The following SORBS2 variants were observed in gnomAD, a reference collection of about 807,000 sequenced individuals.
The protein encoded by SORBS2 is sorbin and SH3 domain-containing protein 2.
Under a neutral mutation model 97.7 loss-of-function variants are expected in SORBS2, and 46 were observed. That is an observed-to-expected ratio of 0.47 (90% CI 0.37 to 0.60). The LOEUF is 0.60. SORBS2 is among the 20% of genes least tolerant of loss of function. The probability of loss-of-function intolerance (pLI) is 0.00; values close to 1 mark genes in which losing one functional copy is unlikely to be tolerated. For synonymous variants in SORBS2, 476 were observed against 473.4 expected (o/e 1.01, Z -0.07); for missense variants, 1,316 against 1,282.3 (o/e 1.03, Z -0.40).
At chr4:185,815,619 C>T (rs115107458) in intron 1 of SORBS2, among the ~76,000 whole-genome samples, 1,840 of 152,214 alleles carry the variant, frequency 0.012, 37 homozygotes, top group African/African-American at 0.043. Flanking sequence ...TACATATACA[C>T]ACACATATAT....
intron 1 of SORBS2, among the ~76,000 whole-genome samples, chr4:185,834,289 C>T (rs889013243): frequency 6.6e-6 from 1 of 152,026 alleles, no homozygotes; most frequent in African/African-American, 2.4e-5. Flanking sequence ...AGCCAATTAC[C>T]TCCCACCAGG....
chr4:185,622,918 G>T (rs542951899), exon 7 of SORBS2: 1 of 1,604,314 alleles, frequency 6.2e-7, no homozygotes, highest in Admixed American at 1.7e-5. Flanking sequence ...ATCCACCTTG[G>T]AGTGCACCGC....
At chr4:185,925,158 T>G (rs1198557161) in intron 1 of SORBS2, among the ~76,000 whole-genome samples, 1 of 152,252 alleles carries the variant, frequency 6.6e-6, no homozygotes, top group Non-Finnish European at 1.5e-5. Context: ...ATTGTTATAT[T>G]ATTACTTAAT....
At chr4:185,596,744 A>G (rs561501996) in intron 12 of SORBS2, among the ~76,000 whole-genome samples, 84 of 152,080 alleles carry the variant, frequency 5.5e-4, no homozygotes, top group African/African-American at 1.9e-3. Flanking sequence ...CATGTTAGCC[A>G]GGATGGTCTC....
intron 1 of SORBS2, among the ~76,000 whole-genome samples, chr4:185,915,180 C>T (rs2099257429): frequency 6.6e-6 from 1 of 152,210 alleles, no homozygotes. Flanking sequence ...CTTTCAGCAG[C>T]ATTTGTGTGT....
chr4:185,707,850 C>T (rs544314345), intron 2 of SORBS2, among the ~76,000 whole-genome samples: 45 of 152,130 alleles, frequency 3.0e-4, no homozygotes, highest in Admixed American at 6.5e-4. Flanking sequence ...ACGAGAAAGA[C>T]GCACCCCATG....
chr4:185,688,491 TTGATAGATAGATAAATAG>T (rs2098019616), intron 2 of SORBS2, among the ~76,000 whole-genome samples: 1 of 141,244 alleles, frequency 7.1e-6, no homozygotes, highest in Non-Finnish European at 1.5e-5. Flanking sequence ...TATCTGTCTA[TTGATAGATAGATAAATAG>T]ATAGATAGAT....
intron 6 of SORBS2, 120 bp from the exon 19 acceptor site, chr4:185,624,614 T>C: frequency 1.4e-5 from 15 of 1,079,680 alleles, no homozygotes; most frequent in Non-Finnish European, 1.9e-5. Flanking sequence ...GCAGTTAGTG[T>C]GTTTTAATCT....
At chr4:185,833,734 A>C (rs955448493) in intron 1 of SORBS2, among the ~76,000 whole-genome samples, 7 of 152,218 alleles carry the variant, frequency 4.6e-5, no homozygotes, top group African/African-American at 1.7e-4. Context: ...TTTAATGTTT[A>C]GTTTTCAATT....
At chr4:185,710,203 C>A (rs2098405975) in intron 2 of SORBS2, among the ~76,000 whole-genome samples, 1 of 151,868 alleles carries the variant, frequency 6.6e-6, no homozygotes, top group African/African-American at 2.4e-5. Context: ...ACTGAAGATC[C>A]CCAGTAATAT....
intron 1 of SORBS2, among the ~76,000 whole-genome samples, chr4:185,817,663 G>A (rs953924492): frequency 5.3e-5 from 8 of 152,248 alleles, no homozygotes; most frequent in East Asian, 3.9e-4. Flanking sequence ...GTAACGAAAC[G>A]CACCAGGCTC....
At chr4:185,672,334 G>A (rs1191823207) in intron 4 of SORBS2, among the ~76,000 whole-genome samples, 2 of 152,230 alleles carry the variant, frequency 1.3e-5, no homozygotes, top group Non-Finnish European at 2.9e-5. Flanking sequence ...GATTGATTAT[G>A]TTATTTCATA....
chr4:185,865,204 T>G (rs2099226150), intron 1 of SORBS2, among the ~76,000 whole-genome samples: 1 of 152,176 alleles, frequency 6.6e-6, no homozygotes, highest in African/African-American at 2.4e-5. Flanking sequence ...ATAGTTCACA[T>G]AAGTTTAGTT....
intron 1 of SORBS2, among the ~76,000 whole-genome samples, chr4:185,818,008 A>C (rs1299945786): frequency 6.6e-6 from 1 of 152,212 alleles, no homozygotes; most frequent in African/African-American, 2.4e-5. Flanking sequence ...CTGTTGAAAA[A>C]TAAAAATCCC....
upstream of SORBS2, chr4:185,657,499 C>T (rs1279268376): frequency 3.8e-6 from 6 of 1,569,196 alleles, no homozygotes; most frequent in Non-Finnish European, 4.3e-6. Flanking sequence ...TGATGACTGT[C>T]ACTCTCTTCT....
chr4:185,774,054 C>G (rs4487396), intron 2 of SORBS2: 4 of 151,556 alleles, frequency 2.6e-5, no homozygotes, highest in African/African-American at 9.7e-5. Context: ...GCATGCTTTC[C>G]TTTGATATGT....
intron 1 of SORBS2, chr4:185,894,494 G>A (rs1172207035): frequency 6.6e-6 from 1 of 152,116 alleles, no homozygotes; most frequent in Admixed American, 6.5e-5. Flanking sequence ...ATAATCTCCA[G>A]TTCCTTTTAA....
intron 2 of SORBS2, among the ~76,000 whole-genome samples, chr4:185,738,185 A>T (rs371922881): frequency 1.3e-3 from 191 of 152,340 alleles, no homozygotes; most frequent in African/African-American, 4.5e-3. Flanking sequence ...CCCTTTCCAC[A>T]TCTAAAGCAA....
Position 185,951,306 on chromosome 4 carries a change from A to G in SORBS2, c.-338+4890T>C, listed in dbSNP as rs1213167256. 2.0e-5 allele frequency among the ~76,000 whole-genome samples: 3 copies of G among 152,156 alleles called. No individual in the cohort carries two copies. The East Asian group carries it at 5.8e-4, about 29-fold the overall frequency. On this transcript the variant is annotated intron_variant, in intron 1 of 20. Transcript: ENST00000284776. ...AAATTGTGGAGGGCGACACAGGACCATGCCTCCCATGTCTGACAAATGGCT... is the reference window on the plus strand; with the variant it reads ...AAATTGTGGAGGGCGACACAGGACCGTGCCTCCCATGTCTGACAAATGGCT...
Sources: allele counts gnomAD v4.1 joint callset (sites outside exome capture counted in the v4.1 genomes callset), GRCh38; gene constraint gnomAD v4.1.1; transcripts MANE v1.5; gene names NCBI Gene and HGNC (gene_info 2026-07-23, HGNC 2026-07-21).